Variants in GPC6 observed in about 807,000 individuals in gnomAD.
GPC6 encodes the protein glypican 6.
In GPC6, 14 loss-of-function variants were observed where a neutral mutation model predicts 55.2. That is an observed-to-expected ratio of 0.25 (90% confidence interval 0.17 to 0.40). The LOEUF (loss-of-function observed/expected upper bound fraction) is 0.40. Among genes scored for constraint, GPC6 ranks in the 10% least tolerant of loss-of-function variants. The pLI, the probability that GPC6 is intolerant of heterozygous loss-of-function variation, is 1.00. For synonymous variants in GPC6, 278 were observed against 259.6 expected (o/e 1.07, Z -0.68); for missense variants, 641 against 708.5 (o/e 0.90, Z 1.08).
At chr13:94,304,470 A>G (rs1875836631) in intron 5 of GPC6, among the ~76,000 whole-genome samples, 1 of 152,362 alleles carries the variant, frequency 6.6e-6, no homozygotes. Flanking sequence ...CAAAACTGGA[A>G]CGAATGCGTT....
At chr13:94,105,601 A>G (rs1886024658) in intron 4 of GPC6, among the ~76,000 whole-genome samples, 1 of 152,196 alleles carries the variant, frequency 6.6e-6, no homozygotes, top group Admixed American at 6.5e-5. Context: ...AAGGAAGGTG[A>G]GAGAGAGCAT....
At chr13:94,305,497 A>G (rs1011861570) in intron 5 of GPC6, among the ~76,000 whole-genome samples, 2 of 152,218 alleles carry the variant, frequency 1.3e-5, no homozygotes, top group Admixed American at 6.5e-5. Flanking sequence ...AAACATTGAA[A>G]TCAACAAGAA....
At chr13:93,985,979 G>A (rs1379211043) in intron 3 of GPC6, among the ~76,000 whole-genome samples, 1 of 151,964 alleles carries the variant, frequency 6.6e-6, no homozygotes, top group East Asian at 1.9e-4. Flanking sequence ...CCCCTTTTAT[G>A]CAAATGACTG....
At chr13:93,868,320 A>G (rs1454788161) in intron 3 of GPC6, among the ~76,000 whole-genome samples, 1 of 151,762 alleles carries the variant, frequency 6.6e-6, no homozygotes, top group Non-Finnish European at 1.5e-5. Context: ...CTAATAGCCT[A>G]TATTATAAGT....
intron 2 of GPC6, among the ~76,000 whole-genome samples, chr13:93,747,851 A>G (rs1439636025): frequency 1.3e-5 from 2 of 152,172 alleles, no homozygotes; most frequent in African/African-American, 4.8e-5. Flanking sequence ...TTGTAACTCA[A>G]GGAGCCTCTG....
intron 4 of GPC6, among the ~76,000 whole-genome samples, chr13:94,121,599 C>T (rs569181722): frequency 1.6e-4 from 25 of 152,186 alleles, no homozygotes; most frequent in Admixed American, 4.6e-4. Context: ...CACGGCAATA[C>T]TTAACGATAT....
intron 4 of GPC6, among the ~76,000 whole-genome samples, chr13:94,116,553 T>G (rs1886435912): frequency 6.6e-6 from 1 of 152,114 alleles, no homozygotes; most frequent in Non-Finnish European, 1.5e-5. Context: ...CCAAAGCCCT[T>G]GGTTTCTTTC....
chr13:93,627,429 C>T (rs1202867123), intron 2 of GPC6, among the ~76,000 whole-genome samples: 1 of 152,266 alleles, frequency 6.6e-6, no homozygotes, highest in African/African-American at 2.4e-5. Flanking sequence ...TGTTGTTAAA[C>T]CATGAGAAAC....
At chr13:94,099,324 G>T (rs535358186) in intron 4 of GPC6, among the ~76,000 whole-genome samples, 1 of 152,022 alleles carries the variant, frequency 6.6e-6, no homozygotes, top group Non-Finnish European at 1.5e-5. Flanking sequence ...ATAATGTTGT[G>T]TACATTATAT....
At chr13:93,228,787 T>A (rs946929470) in intron 1 of GPC6, among the ~76,000 whole-genome samples, 1 of 152,214 alleles carries the variant, frequency 6.6e-6, no homozygotes, top group African/African-American at 2.4e-5. Context: ...CTCTGTCTGC[T>A]TTTTGCCAAA....
chr13:94,277,584 A>G (rs770653530), intron 4 of GPC6, among the ~76,000 whole-genome samples: 2 of 152,152 alleles, frequency 1.3e-5, no homozygotes, highest in Non-Finnish European at 2.9e-5. Context: ...TAAGTCTTTA[A>G]TCCATCTTGA....
At chr13:93,221,881 G>A (rs896084647), upstream of GPC6, among the ~76,000 whole-genome samples, 3 of 152,164 alleles carry the variant, frequency 2.0e-5, no homozygotes, top group Admixed American at 2.0e-4. Context: ...GTTTTCCTAA[G>A]ATTTTATTTG....
chr13:93,810,711 A>C (rs1424657626), intron 2 of GPC6, among the ~76,000 whole-genome samples: 1 of 152,244 alleles, frequency 6.6e-6, no homozygotes, highest in Admixed American at 6.5e-5. Context: ...CCAAGTGTGC[A>C]ATATTAAGTA....
rs148750994 is a variant in GPC6 at position 93,806,805 on chromosome 13, A to G, written c.320-23349A>G. 3.9e-3 allele frequency among the ~76,000 whole-genome samples: 595 copies of G among 152,358 alleles called. 5 individuals are homozygous for G. Among genetic ancestry groups the G allele is most frequent in the African/African-American group, 0.014 (562 of 41,586 alleles). Reference sequence around the variant, plus strand: ...CTTTGTATGCAGATATGTGAGAACTAGAAGCAATTACCCTGACTCTAATTG... The same window carrying G: ...CTTTGTATGCAGATATGTGAGAACTGGAAGCAATTACCCTGACTCTAATTG... On this transcript the variant is annotated intron_variant, in intron 2 of 8. Coordinates refer to ENST00000377047, the MANE Select transcript of GPC6 (RefSeq NM_005708.5).
chr13:93,800,965 G>GA (rs1209216970), intron 2 of GPC6, among the ~76,000 whole-genome samples: 1 of 152,092 alleles, frequency 6.6e-6, no homozygotes, highest in Non-Finnish European at 1.5e-5. Context: ...AAATAGTTTG[G>GA]ATGGATGGTA....
rs111399619 is a variant in GPC6 at position 93,246,030 on chromosome 13, A to G, written c.160+18414A>G. 3.3e-3 allele frequency among the ~76,000 whole-genome samples: 496 copies of G among 152,182 alleles called. 3 individuals carry two copies. Among genetic ancestry groups the G allele is most frequent in the African/African-American group, 0.011 (464 of 41,510 alleles). On this transcript the variant is annotated intron_variant, in intron 1 of 8. Coordinates refer to ENST00000377047, the MANE Select transcript of GPC6 (RefSeq NM_005708.5). ...TATGGTATGCCTTCTGTTGGTACCT[A>G]TGACTCTTAATTAATTTTTGGTCCT...
intron 3 of GPC6, among the ~76,000 whole-genome samples, chr13:93,955,449 T>G (rs1879468760): frequency 6.6e-6 from 1 of 152,140 alleles, no homozygotes; most frequent in Non-Finnish European, 1.5e-5. Context: ...CAATCACACA[T>G]GCTCATTAAC....
chr13:94,144,843 G>T (rs1179819226), intron 4 of GPC6, among the ~76,000 whole-genome samples: 1 of 152,018 alleles, frequency 6.6e-6, no homozygotes, highest in East Asian at 1.9e-4. Context: ...ATGGAGCAGA[G>T]CATTAGAATA....
chr13:93,966,571 C>G (rs1337736342), intron 3 of GPC6, among the ~76,000 whole-genome samples: 3 of 151,520 alleles, frequency 2.0e-5, no homozygotes, highest in African/African-American at 7.3e-5. Flanking sequence ...CTTGGACAGT[C>G]TTTCTTGCCT....
Sources: allele counts gnomAD v4.1 joint callset (sites outside exome capture counted in the v4.1 genomes callset), GRCh38; gene constraint gnomAD v4.1.1; transcripts MANE v1.5; gene names NCBI Gene and HGNC (gene_info 2026-07-23, HGNC 2026-07-21).